The following NRXN3 variants were observed in gnomAD, a reference collection of about 807,000 sequenced individuals.
NRXN3 encodes the protein neurexin 3, also known as neurexin III.
In NRXN3, 32 loss-of-function variants were observed where a neutral mutation model predicts 137.6. That is an observed-to-expected ratio of 0.23 (90% CI 0.18 to 0.31). The LOEUF (loss-of-function observed/expected upper bound fraction) is 0.31. Among genes scored for constraint, NRXN3 ranks in the 10% least tolerant of loss-of-function variants. The pLI is 1.00. For missense variants in NRXN3, 1,574 were observed against 2,062.5 expected, an observed-to-expected ratio of 0.76 and a Z score of 4.59; for synonymous variants, 798 against 784.5, an observed-to-expected ratio of 1.02 and a Z score of -0.29.
chr14:79,769,180 C>A lies in NRXN3; in HGVS notation c.4015-35932C>A, dbSNP rs1317090736. The stretch of plus-strand genomic sequence containing the variant: ...CCTGAAAGTGACCGGGAGAATGGAA[C>A]CAAGTTGGAAAACACTCTGCAGGAT... On this transcript the variant is annotated intron_variant, in intron 19 of 20. Transcript: ENST00000335750. Among the ~76,000 whole-genome samples, 3 of 148,058 alleles carry A rather than the reference C, an allele frequency of 2.0e-5. 1 individual carries two copies. Among genetic ancestry groups the A allele is most frequent in the Non-Finnish European group, 3.0e-5 (2 of 66,016 alleles).
chr14:78,994,540 G>A (rs372399722), intron 15 of NRXN3, among the ~76,000 whole-genome samples: 5 of 152,116 alleles, frequency 3.3e-5, no homozygotes, highest in African/African-American at 7.2e-5. Context: ...TCATTGAGTC[G>A]TTGGTGGAGA....
intron 4 of NRXN3, among the ~76,000 whole-genome samples, chr14:78,315,806 T>C (rs571708409): frequency 1.3e-5 from 2 of 152,286 alleles, no homozygotes; most frequent in South Asian, 2.1e-4. Context: ...TTGATTAAGA[T>C]AATTTTCTTG....
intron 4 of NRXN3, among the ~76,000 whole-genome samples, chr14:78,626,854 G>T (rs1236487799): frequency 6.6e-6 from 1 of 152,218 alleles, no homozygotes; most frequent in East Asian, 1.9e-4. Context: ...GGCTCACAGA[G>T]AGTGGAGAAG....
intron 10 of NRXN3, among the ~76,000 whole-genome samples, chr14:78,875,467 G>GT (rs72522751): frequency 0.26 from 40,045 of 152,034 alleles, 8,397 homozygotes; most frequent in African/African-American, 0.57. Flanking sequence ...ATACAGTGCC[G>GT]TAATAAAAAT....
intron 15 of NRXN3, among the ~76,000 whole-genome samples, chr14:79,076,140 T>A (rs1382737109): frequency 6.6e-6 from 1 of 152,212 alleles, no homozygotes; most frequent in Non-Finnish European, 1.5e-5. Flanking sequence ...CTGGCCATCA[T>A]GCTGTTGCCT....
intron 15 of NRXN3, among the ~76,000 whole-genome samples, chr14:79,345,167 C>T (rs1440515382): frequency 6.6e-6 from 1 of 151,776 alleles, no homozygotes; most frequent in African/African-American, 2.4e-5. Context: ...AAATATTTGC[C>T]TTGTGGTCTC....
chr14:78,677,439 C>A (rs1345639528), intron 6 of NRXN3, among the ~76,000 whole-genome samples: 2 of 149,364 alleles, frequency 1.3e-5, no homozygotes, highest in Admixed American at 6.7e-5. Context: ...AAAAAAAAAA[C>A]CCTGGAAGGA....
At chr14:78,557,505 A>T (rs2096750092) in intron 4 of NRXN3, among the ~76,000 whole-genome samples, 1 of 152,204 alleles carries the variant, frequency 6.6e-6, no homozygotes, top group Non-Finnish European at 1.5e-5. Flanking sequence ...TTAGTGTGTC[A>T]TCCATAAAAT....
chr14:79,401,237 A>G (rs1396734490), intron 15 of NRXN3, among the ~76,000 whole-genome samples: 1 of 152,216 alleles, frequency 6.6e-6, no homozygotes, highest in Admixed American at 6.5e-5. Context: ...CTAGGCTCTC[A>G]CAAGCCTTAG....
chr14:79,844,862 C>T (rs2099363814), intron 20 of NRXN3, among the ~76,000 whole-genome samples: 1 of 152,200 alleles, frequency 6.6e-6, no homozygotes, highest in South Asian at 2.1e-4. Context: ...GACTCCTCTT[C>T]TCTAGCTGTG....
intron 1 of NRXN3, among the ~76,000 whole-genome samples, chr14:78,174,942 TG>T (rs2059122885): frequency 6.6e-6 from 1 of 152,132 alleles, no homozygotes; most frequent in Non-Finnish European, 1.5e-5. Flanking sequence ...TGACAGAGCC[TG>T]GGGCTGAGCT....
chr14:79,104,146 G>T (rs2051911428), intron 15 of NRXN3, among the ~76,000 whole-genome samples: 1 of 152,156 alleles, frequency 6.6e-6, no homozygotes, highest in African/African-American at 2.4e-5. Context: ...AAGTTTCCCT[G>T]TTCCTTCTAT....
At chr14:79,347,465 A>G (rs2092948327) in intron 15 of NRXN3, among the ~76,000 whole-genome samples, 5 of 151,132 alleles carry the variant, frequency 3.3e-5, no homozygotes, top group Admixed American at 2.6e-4. Context: ...TCTGTCACCC[A>G]GGCTGGAGTG....
At chr14:79,160,863 A>G (rs911858245) in intron 15 of NRXN3, among the ~76,000 whole-genome samples, 2 of 151,960 alleles carry the variant, frequency 1.3e-5, no homozygotes, top group African/African-American at 4.8e-5. Context: ...CTTCTTGGGA[A>G]GAGGTCATGA....
At chr14:78,755,644 C>G (rs1026084905) in intron 8 of NRXN3, among the ~76,000 whole-genome samples, 1 of 152,152 alleles carries the variant, frequency 6.6e-6, no homozygotes, top group African/African-American at 2.4e-5. Context: ...CGTAGCAGCT[C>G]TAGGTGCAAA....
intron 10 of NRXN3, among the ~76,000 whole-genome samples, chr14:78,824,003 A>C (rs2098958844): frequency 6.6e-6 from 1 of 151,878 alleles, no homozygotes; most frequent in Non-Finnish European, 1.5e-5. Context: ...GCCTTGTGAA[A>C]CTGATTAACT....
rs1015723144 is a variant in NRXN3 at position 78,751,202 on chromosome 14, A to T, written c.2044+36063A>T. Among the ~76,000 whole-genome samples, 7 of 152,336 alleles carry T rather than the reference A, an allele frequency of 4.6e-5. No homozygotes were observed. The East Asian group carries it at 7.7e-4, about 17-fold the overall frequency. On this transcript the variant is annotated intron_variant, in intron 8 of 20. Transcript: ENST00000335750. Reference sequence around the variant, plus strand: ...GTTCTCTGTAGCCAGAAGACATTGCAGACAGGGAATTGAGAGGATGCTTGA... The same window carrying T: ...GTTCTCTGTAGCCAGAAGACATTGCTGACAGGGAATTGAGAGGATGCTTGA...
chr14:79,286,685 AAAT>A (rs2153453218), intron 15 of NRXN3, among the ~76,000 whole-genome samples: 1 of 152,004 alleles, frequency 6.6e-6, no homozygotes, highest in East Asian at 1.9e-4. Context: ...GATAATAGAT[AAAT>A]AATAATGGCA....
rs531130673 is a variant in NRXN3 at position 78,577,900 on chromosome 14, C to T, written c.758-67220C>T. On this transcript the variant is annotated intron_variant, in intron 4 of 20. Transcript: ENST00000335750. ...AATACCACAGTATGATCTCTGAGGC[C>T]TAGCTGTCTTTTGTTTGATTGTTTG... is the stretch of plus-strand genomic sequence containing the variant. 2.0e-5 allele frequency among the ~76,000 whole-genome samples: 3 copies of T among 152,180 alleles called. No individual in the cohort carries two copies. In the East Asian group the frequency reaches 5.8e-4, roughly 29 times the overall value.
Sources: allele counts gnomAD v4.1 joint callset (sites outside exome capture counted in the v4.1 genomes callset), GRCh38; gene constraint gnomAD v4.1.1; transcripts MANE v1.5; gene names NCBI Gene and HGNC (gene_info 2026-07-23, HGNC 2026-07-21).